FGD6: variants seen among roughly 807,000 people sequenced by gnomAD.
FGD6 encodes FYVE, RhoGEF and PH domain-containing protein 6.
FGD6 carries 90 observed loss-of-function variants against 149.4 expected under a neutral mutation model. The observed-to-expected ratio is 0.60, with a 90% confidence interval of 0.51 to 0.72. FGD6 has a LOEUF of 0.72. FGD6 is among the 30% of genes least tolerant of loss of function. The pLI is 0.00. For missense variants in FGD6, 1,437 were observed against 1,684.8 expected, an observed-to-expected ratio of 0.85 and a Z score of 2.57; for synonymous variants, 527 against 584.0, an observed-to-expected ratio of 0.90 and a Z score of 1.41.
chr12:95,084,740 C>A, intron 19 of FGD6, 94 bp from the exon 20 acceptor site: 1 of 977,006 alleles, frequency 1.0e-6, no homozygotes, highest in South Asian at 2.2e-5. Flanking sequence ...AATTTAATTT[C>A]AATTATTCAC....
chr12:95,117,622 T>C (rs950749415), intron 8 of FGD6, among the ~76,000 whole-genome samples: 1 of 152,164 alleles, frequency 6.6e-6, no homozygotes, highest in Non-Finnish European at 1.5e-5. Context: ...AGACGATGTC[T>C]CACTATGTTG....
intron 18 of FGD6, among the ~76,000 whole-genome samples, chr12:95,087,534 A>G (rs1434499799): frequency 1.3e-5 from 2 of 152,234 alleles, no homozygotes; most frequent in Non-Finnish European, 2.9e-5. Context: ...CAGTCTTGCA[A>G]GTACAAGGAA....
At chr12:95,123,316 C>T (rs566011095) in intron 8 of FGD6, among the ~76,000 whole-genome samples, 96 of 152,122 alleles carry the variant, frequency 6.3e-4, no homozygotes, top group Admixed American at 1.1e-3. Context: ...GAACTGCTTG[C>T]AGGCATCCTT....
rs745773869 is a variant in FGD6 at position 95,141,480 on chromosome 12, G to C, written c.2745C>G (p.Asp915Glu). 69 of 1,613,974 alleles carry C rather than the reference G, an allele frequency of 4.3e-5. No individual in the cohort carries two copies. The highest frequency in any genetic ancestry group is 5.7e-5 in the Non-Finnish European group (67 of 1,180,026). The change falls in exon 6 of 21, where the codon GAC becomes GAG. Residue 915 changes from aspartate to glutamate, a missense_variant. Around this residue, in one of 2 missense-constraint regions of FGD6, gnomAD observed 1,055 missense variants for 1,146.0 expected, o/e 0.92. Transcript: ENST00000343958. ...AGTATAGGATCTGATTTAGAATCCG[G>C]TCCTCAATCACTGGTTTCCCAAGTT... ...SRQLGKPVIE[D>E]RILNQILYYL...
intron 2 of FGD6, among the ~76,000 whole-genome samples, chr12:95,177,788 A>G (rs886808608): frequency 2.0e-5 from 3 of 152,146 alleles, no homozygotes; most frequent in African/African-American, 7.2e-5. Context: ...AATTTTCACC[A>G]AAAAATTATT....
intron 20 of FGD6, among the ~76,000 whole-genome samples, chr12:95,083,130 A>G (rs754255971): frequency 3.3e-5 from 5 of 149,660 alleles, no homozygotes; most frequent in Non-Finnish European, 7.4e-5. Flanking sequence ...AAAGCAACCT[A>G]TAACAGATTC....
At chr12:95,138,258 C>CACT (rs1879737952) in intron 6 of FGD6, among the ~76,000 whole-genome samples, 4 of 147,102 alleles carry the variant, frequency 2.7e-5, no homozygotes, top group African/African-American at 2.6e-5. Context: ...CTCACTCACT[C>CACT]CTTGGATGGG....
At chr12:95,143,012 A>C (rs1227355600) in intron 5 of FGD6, among the ~76,000 whole-genome samples, 1 of 152,222 alleles carries the variant, frequency 6.6e-6, no homozygotes, top group African/African-American at 2.4e-5. Context: ...GGGCCTCAAG[A>C]TATAAGTAAA....
At chr12:95,151,459 G>A (rs968842610) in intron 5 of FGD6, among the ~76,000 whole-genome samples, 2 of 151,996 alleles carry the variant, frequency 1.3e-5, no homozygotes, top group Non-Finnish European at 2.9e-5. Context: ...GCGGAGATGG[G>A]TTTTAGCCAT....
chr12:95,093,353 C>G (rs1258668263), intron 15 of FGD6, among the ~76,000 whole-genome samples: 1 of 151,930 alleles, frequency 6.6e-6, no homozygotes, highest in African/African-American at 2.4e-5. Flanking sequence ...GAAGACCATC[C>G]TGGTCAACAT....
At chr12:95,184,875 ACTCAGC>A (rs952449344) in intron 2 of FGD6, among the ~76,000 whole-genome samples, 3 of 135,462 alleles carry the variant, frequency 2.2e-5, no homozygotes, top group African/African-American at 8.4e-5. Context: ...GAGCCACCAC[ACTCAGC>A]CTTTTTTTTT....
chr12:95,215,475 C>T (rs2056748698), intron 1 of FGD6, among the ~76,000 whole-genome samples: 1 of 152,154 alleles, frequency 6.6e-6, no homozygotes, highest in Admixed American at 6.5e-5. Flanking sequence ...AGAAATAAAA[C>T]CCCAGTTCTC....
At chr12:95,124,572 C>A (rs1879283945) in intron 8 of FGD6, among the ~76,000 whole-genome samples, 1 of 152,130 alleles carries the variant, frequency 6.6e-6, no homozygotes, top group African/African-American at 2.4e-5. Context: ...TCTGCCAAGA[C>A]AAGTCCCAGC....
At chr12:95,134,880 C>A in intron 7 of FGD6, 54 bp from the exon 8 acceptor site, 2 of 1,483,304 alleles carry the variant, frequency 1.3e-6, no homozygotes, top group Non-Finnish European at 1.8e-6. Flanking sequence ...AGCAAGGGAC[C>A]CAGATTCAAG....
In FGD6 at chr12:95,209,402, T is replaced by C; in HGVS notation, c.1882A>G (p.Lys628Glu). 6.2e-7 allele frequency: 1 copy of C among 1,613,074 alleles called. No individual in the cohort carries two copies. Among genetic ancestry groups the C allele is most frequent in the Non-Finnish European group, 8.5e-7 (1 of 1,179,334 alleles). The part of the protein sequence containing the change: ...CKDSTKKNSF[K>E]KLLSMKLSIC... Reference sequence around the variant, plus strand: ...GACAGTTTCATGCTGAGCAACTTTTTAAAAGAGTTTTTCTTTGTAGAGTCT... The same window carrying C: ...GACAGTTTCATGCTGAGCAACTTTTCAAAAGAGTTTTTCTTTGTAGAGTCT... Residue 628 changes from lysine to glutamate, a missense_variant, in exon 2 of 21, where the codon AAA becomes GAA. Lys to Glu is a moderately conservative substitution (Grantham distance 56, BLOSUM62 1). Transcript: ENST00000343958.
Position 95,208,896 on chromosome 12 carries a change from C to T in FGD6, c.2388G>A (p.Pro796=), listed in dbSNP as rs2306884. The T allele has an allele frequency of 0.15, 249,275 of 1,613,856 alleles. 20,118 individuals carry two copies. The highest frequency in any genetic ancestry group is 0.19 in the African/African-American group (13,903 of 74,940). ...GCAGCTGGCCATCTGGAGCTTCATA[C>T]GGCTCTTCTACCTCATACACATTTG... ...ADANVYEVEE[P]YEAPDGQLQL... is the part of the protein sequence containing the mutation. The change falls in exon 2 of 21, where the codon CCG becomes CCA. Residue 796 remains proline, a synonymous_variant. Transcript: ENST00000343958.
At chr12:95,123,167 G>C (rs1879241290) in intron 8 of FGD6, among the ~76,000 whole-genome samples, 1 of 151,784 alleles carries the variant, frequency 6.6e-6, no homozygotes, top group Non-Finnish European at 1.5e-5. Flanking sequence ...ATATGGCAAG[G>C]AAAGGATCAC....
chr12:95,148,055 T>C (rs1880065950), intron 5 of FGD6, among the ~76,000 whole-genome samples: 1 of 151,324 alleles, frequency 6.6e-6, no homozygotes, highest in Non-Finnish European at 1.5e-5. Context: ...AACAATGAGC[T>C]TCATTCAGTG....
rs1239771119 is a variant in FGD6 at position 95,208,913 on chromosome 12, A to G, written c.2371T>C (p.Tyr791His). The G allele has an allele frequency of 6.2e-7, 1 of 1,614,056 alleles. No individual in the cohort carries two copies. The highest frequency in any genetic ancestry group is 2.2e-5 in the East Asian group (1 of 44,886). The change falls in exon 2 of 21, where the codon TAT (tyrosine) becomes CAT (histidine). Residue 791 changes from tyrosine (Y) to histidine (H), a missense_variant. This residue lies in a region of FGD6 where 1,055 missense variants were observed against 1,146.0 expected (regional missense o/e 0.92). Coordinates refer to ENST00000343958, the MANE Select transcript of FGD6 (RefSeq NM_018351.4). The part of the protein sequence containing the change: ...SSMEDADANV[Y>H]EVEEPYEAPD... ...GCTTCATACGGCTCTTCTACCTCAT[A>G]CACATTTGCATCAGCGTCCTCCATG...
Sources: allele counts gnomAD v4.1 joint callset (sites outside exome capture counted in the v4.1 genomes callset), GRCh38; gene constraint gnomAD v4.1.1; regional missense constraint gnomAD v4.1.1; transcripts MANE v1.5; gene names NCBI Gene and HGNC (gene_info 2026-07-23, HGNC 2026-07-21).